CABLES1: variants seen among roughly 807,000 people sequenced by gnomAD.
CABLES1 encodes Cdk5 and Abl enzyme substrate 1, also known as CDK5 and ABL1 enzyme substrate 1.
CABLES1 carries 36 observed loss-of-function variants against 57.8 expected under a neutral mutation model. The ratio of observed to expected loss-of-function variants is 0.62; its 90% CI spans 0.48 to 0.82. The LOEUF is 0.82. Among genes scored for constraint, CABLES1 ranks in the 40% least tolerant of loss-of-function variants. The probability of loss-of-function intolerance (pLI) is 0.00; values close to 1 mark genes in which losing one functional copy is unlikely to be tolerated. For synonymous variants in CABLES1, 374 were observed against 363.0 expected, an observed-to-expected ratio of 1.03 and a Z score of -0.35; for missense variants, 767 against 836.6, an observed-to-expected ratio of 0.92 and a Z score of 1.03.
chr18:23,223,693 T>C (rs1468135712), intron 4 of CABLES1, among the ~76,000 whole-genome samples: 1 of 151,798 alleles, frequency 6.6e-6, no homozygotes, highest in African/African-American at 2.4e-5. Flanking sequence ...TAGGGTGGAC[T>C]GAAGCCCCTG....
chr18:23,239,535 G>A (rs1001081186), intron 7 of CABLES1, among the ~76,000 whole-genome samples: 6 of 152,198 alleles, frequency 3.9e-5, no homozygotes, highest in East Asian at 1.9e-4. Context: ...GTTACAGGCC[G>A]TTTCTCATGC....
rs1598897997 is a variant in CABLES1 at position 23,258,482 on chromosome 18, CATGCAAGATTTTAA to C, written c.*1116_*1129del. 1 of 152,250 alleles carries C rather than the reference CATGCAAGATTTTAA, an allele frequency of 6.6e-6. No homozygotes were observed. The highest frequency in any genetic ancestry group is 1.9e-4 in the East Asian group (1 of 5,180). The allele number at this position is 152,250 out of a possible 1,614,324, so 9.4% of individuals were successfully genotyped here. On this transcript the variant is annotated 3_prime_UTR_variant, in exon 10 of 10. Coordinates refer to ENST00000256925, the MANE Select transcript of CABLES1 (RefSeq NM_001100619.3). Reference sequence around the variant, plus strand: ...ACATTCCCACGTGCCCAGGGCTGTTCATGCAAGATTTTAATGGTGACTTGTCCTGGCTTACTGGG... The same window carrying C: ...ACATTCCCACGTGCCCAGGGCTGTTCTGGTGACTTGTCCTGGCTTACTGGG...
At chr18:23,193,503 C>A (rs1055442693) in intron 2 of CABLES1, among the ~76,000 whole-genome samples, 2 of 152,136 alleles carry the variant, frequency 1.3e-5, no homozygotes, top group Non-Finnish European at 2.9e-5. Context: ...CAGAATCTTT[C>A]TTTAGAGTCA....
intron 7 of CABLES1, among the ~76,000 whole-genome samples, chr18:23,237,459 G>A (rs1348130726): frequency 6.6e-6 from 1 of 152,238 alleles, no homozygotes; most frequent in Non-Finnish European, 1.5e-5. Context: ...AGGCTGGGCT[G>A]CCAGTGTCCA....
Position 23,136,018 on chromosome 18 carries a change from G to A in CABLES1, c.256G>A (p.Gly86Ser). Residue 86 changes from glycine (G) to serine (S), a missense_variant, in exon 1 of 10, where the codon GGC becomes AGC. Coordinates refer to ENST00000256925, the MANE Select transcript of CABLES1 (RefSeq NM_001100619.3). ...GCTGCCGCCGCAGGACGCGGAGTGG[G>A]GCGGTGGCGAGGAGGGCGGCGCGGC... is the stretch of plus-strand genomic sequence containing the variant. ...GRLPPQDAEW[G>S]GGEEGGAAKP... 1 of 1,140,992 alleles carries A rather than the reference G, an allele frequency of 8.8e-7. No homozygotes were observed. The highest frequency in any genetic ancestry group is 1.1e-6 in the Non-Finnish European group (1 of 931,330). The allele number at this position is 1,140,992 out of a possible 1,614,324, so 70.7% of individuals were successfully genotyped here.
At chr18:23,162,368 G>A (rs763819319) in intron 1 of CABLES1, among the ~76,000 whole-genome samples, 6 of 152,212 alleles carry the variant, frequency 3.9e-5, no homozygotes, top group African/African-American at 9.7e-5. Context: ...CCAGTTGCTT[G>A]ATGTCCTGAT....
At chr18:23,144,451 G>A (rs2046878912) in intron 1 of CABLES1, among the ~76,000 whole-genome samples, 1 of 152,240 alleles carries the variant, frequency 6.6e-6, no homozygotes, top group African/African-American at 2.4e-5. Context: ...GAGACAGATT[G>A]TGGAGGCTGC....
chr18:23,155,929 A>G (rs760314837), intron 1 of CABLES1: 1 of 1,614,180 alleles, frequency 6.2e-7, no homozygotes, highest in South Asian at 1.1e-5. Flanking sequence ...GCTGCCATGC[A>G]AGAATATATG....
At chr18:23,166,441 G>A (rs1193606585) in intron 1 of CABLES1, among the ~76,000 whole-genome samples, 1 of 152,170 alleles carries the variant, frequency 6.6e-6, no homozygotes, top group Non-Finnish European at 1.5e-5. Context: ...GACCTTAGGT[G>A]ATCTGCCCAC....
At position 23,234,679 on chromosome 18, in the gene CABLES1, G is replaced by A. The variant is rs933660957; in HGVS notation, c.1160G>A (p.Gly387Asp). 1 of 1,613,802 alleles carries A rather than the reference G, an allele frequency of 6.2e-7. No individual in the cohort carries two copies. Residue 387 changes from glycine to aspartate, a missense_variant, in exon 5 of 10, where the codon GGT becomes GAT. By Grantham distance (94) the Gly-to-Asp change is moderately conservative. Coordinates refer to ENST00000256925, the MANE Select transcript of CABLES1 (RefSeq NM_001100619.3). Reference sequence around the variant, plus strand: ...TTGAAAGAGATCATTGGTCTGGAAGGTGTGGAGCTGGGTGCTGATGGGAAG... The same window carrying A: ...TTGAAAGAGATCATTGGTCTGGAAGATGTGGAGCTGGGTGCTGATGGGAAG... Reference protein sequence around the residue: ...VSLKEIIGLEGVELGADGKTV... With the variant: ...VSLKEIIGLEDVELGADGKTV...
intron 4 of CABLES1, among the ~76,000 whole-genome samples, chr18:23,225,377 G>A (rs1265913837): frequency 6.6e-6 from 1 of 151,822 alleles, no homozygotes; most frequent in Non-Finnish European, 1.5e-5. Context: ...AACAATTATT[G>A]AGCCTCACCT....
At chr18:23,190,997 A>G (rs1247100910) in intron 2 of CABLES1, among the ~76,000 whole-genome samples, 4 of 149,986 alleles carry the variant, frequency 2.7e-5, no homozygotes, top group Non-Finnish European at 1.5e-5. Context: ...TAACCCCAGC[A>G]CTTTGAGAGG....
At chr18:23,230,874 A>G (rs1215070388) in intron 4 of CABLES1, among the ~76,000 whole-genome samples, 1 of 152,134 alleles carries the variant, frequency 6.6e-6, no homozygotes, top group Non-Finnish European at 1.5e-5. Flanking sequence ...AGCACTGCCA[A>G]AACTGTCACA....
intron 3 of CABLES1, among the ~76,000 whole-genome samples, chr18:23,206,932 T>A: frequency 6.6e-6 from 1 of 151,306 alleles, no homozygotes; most frequent in South Asian, 2.1e-4. Flanking sequence ...CACCTCAGCC[T>A]CTTGAGTAGC....
At chr18:23,159,784 T>C (rs1424837615) in intron 1 of CABLES1, among the ~76,000 whole-genome samples, 2 of 152,220 alleles carry the variant, frequency 1.3e-5, no homozygotes, top group Admixed American at 1.3e-4. Flanking sequence ...AGAAGCTCTT[T>C]ATATCTTCCT....
At chr18:23,171,616 G>A (rs1233182162) in intron 1 of CABLES1, among the ~76,000 whole-genome samples, 1 of 152,140 alleles carries the variant, frequency 6.6e-6, no homozygotes, top group African/African-American at 2.4e-5. Context: ...CTGTTTTTCA[G>A]AGCAGGACCT....
chr18:23,158,262 A>G lies in CABLES1; in HGVS notation c.845+21655A>G, dbSNP rs536016843. Among the ~76,000 whole-genome samples the G allele has an allele frequency of 2.0e-5, 3 of 152,286 alleles. No individual in the cohort carries two copies. In the South Asian group the frequency reaches 6.2e-4, roughly 32 times the overall value. On this transcript the variant is annotated intron_variant, in intron 1 of 9. Coordinates refer to ENST00000256925, the MANE Select transcript of CABLES1 (RefSeq NM_001100619.3). ...GGCTACAGTGAGCTGTGTTTGCATC[A>G]CTGCATTCCACCCTGGGCATCAGAG... is the stretch of plus-strand genomic sequence containing the variant.
chr18:23,217,437 A>G (rs1043716052), intron 4 of CABLES1, among the ~76,000 whole-genome samples: 3 of 152,142 alleles, frequency 2.0e-5, no homozygotes, highest in Non-Finnish European at 4.4e-5. Flanking sequence ...GTCAGACCTA[A>G]CAGAAAAGAA....
chr18:23,252,595 A>AGATTG (rs1303065667), intron 7 of CABLES1, among the ~76,000 whole-genome samples: 2 of 152,126 alleles, frequency 1.3e-5, no homozygotes, highest in African/African-American at 4.8e-5. Context: ...GGTCAAGTGG[A>AGATTG]GATTGAACCC....
Sources: gnomAD v4.1 joint callset for allele counts (sites outside exome capture counted in the v4.1 genomes callset) on GRCh38, gnomAD v4.1.1 for gene constraint, MANE v1.5 for transcripts, NCBI Gene and HGNC (gene_info 2026-07-23, HGNC 2026-07-21) for gene names.